Variants in KATNIP observed in about 807,000 individuals in gnomAD.
KATNIP encodes the protein katanin interacting protein.
Under a neutral mutation model 174.0 loss-of-function variants are expected in KATNIP, and 126 were observed. The ratio of observed to expected loss-of-function variants is 0.72; its 90% CI spans 0.63 to 0.84. KATNIP has a LOEUF of 0.84. Among genes scored for constraint, KATNIP ranks in the 40% least tolerant of loss-of-function variants. KATNIP has a pLI of 0.00. For missense variants in KATNIP, 1,958 were observed against 2,109.7 expected (o/e 0.93, Z 1.41); for synonymous variants, 810 against 835.7 (o/e 0.97, Z 0.53).
Position 27,637,616 on chromosome 16 carries a change from C to T in KATNIP, c.408+6454C>T, listed in dbSNP as rs2076675312. Among the ~76,000 whole-genome samples, 1 of 152,042 alleles carries T rather than the reference C, an allele frequency of 6.6e-6. No individual in the cohort carries two copies. The highest frequency in any genetic ancestry group is 2.4e-5 in the African/African-American group (1 of 41,412). ...AAGATCTGTGGCTGGGGGAGGCTTT[C>T]AGGTGAGGGGACAGTGAGAGCAGCG... On this transcript the variant is annotated intron_variant, in intron 5 of 27. Coordinates refer to ENST00000261588, the MANE Select transcript of KATNIP (RefSeq NM_015202.5). This position sits in a 1 kb window ranked among gnomAD's most constrained non-coding sequence, Gnocchi z 4.7.
rs780114918 is a variant in KATNIP at position 27,749,764 on chromosome 16, A to G, written c.2804A>G (p.His935Arg). ...CTCCTGCAGCAAAAGAGCAGCCGGC[A>G]CAGCGACTTGCCCCCCTCCAAGAAG... ...DELLQQKSSRHSDLPPSKKGE... is the reference protein window; with the variant it reads ...DELLQQKSSRRSDLPPSKKGE... The change falls in exon 16 of 28, where the codon CAC becomes CGC. Residue 935 changes from histidine (H) to arginine (R), a missense_variant. His to Arg is a conservative substitution (Grantham distance 29, BLOSUM62 0). Transcript: ENST00000261588. The G allele has an allele frequency of 6.2e-7, 1 of 1,610,766 alleles. No individual in the cohort carries two copies. Among genetic ancestry groups the G allele is most frequent in the South Asian group, 1.1e-5 (1 of 90,504 alleles).
chr16:27,699,576 G>T lies in KATNIP; in HGVS notation c.1156G>T (p.Glu386Ter). The T allele has an allele frequency of 6.2e-7, 1 of 1,614,180 alleles. No individual in the cohort carries two copies. Among genetic ancestry groups the T allele is most frequent in the Non-Finnish European group, 8.5e-7 (1 of 1,180,030 alleles). ...PPAKPWTSLL[E>*]EKEETLELLP... is the part of the protein sequence containing the mutation. ...AGCAAAACCATGGACCAGTCTGCTG[G>T]AGGAGAAGGAAGAGACCCTTGAGGT... is the stretch of plus-strand genomic sequence containing the variant. The change falls in exon 10 of 28, where the codon GAG becomes TAG. Residue 386 changes from glutamate (E) to a stop codon, truncating the protein, a stop_gained. Transcript: ENST00000261588. LOFTEE classifies it high-confidence loss of function.
chr16:27,762,889 C>T (rs1246469795), intron 19 of KATNIP, among the ~76,000 whole-genome samples: 5 of 152,226 alleles, frequency 3.3e-5, no homozygotes, highest in Admixed American at 3.3e-4. Flanking sequence ...CCTTCCCACC[C>T]ACTCACCACC....
intron 13 of KATNIP, among the ~76,000 whole-genome samples, chr16:27,716,562 A>T (rs2079946570): frequency 6.6e-6 from 1 of 152,176 alleles, no homozygotes; most frequent in African/African-American, 2.4e-5. Context: ...ACATAATCAA[A>T]ACCAGGACCT....
chr16:27,615,332 TTTA>T (rs1039359833), intron 2 of KATNIP, among the ~76,000 whole-genome samples: 1 of 150,192 alleles, frequency 6.7e-6, no homozygotes, highest in African/African-American at 2.4e-5. Context: ...GGGAATCTTT[TTTA>T]TTATTATTAT....
chr16:27,772,976 GAAAAATGTTTTTCTCTC>G (rs576475423), intron 22 of KATNIP, 106 bp from the exon 23 acceptor site: 14 of 622,108 alleles, frequency 2.3e-5, no homozygotes, highest in Non-Finnish European at 4.0e-5. Context: ...TGCAATAAGA[GAAAAATGTTTTTCTCTC>G]ATTCATCAAC....
chr16:27,679,168 G>T (rs571456190), intron 7 of KATNIP: 6 of 152,328 alleles, frequency 3.9e-5, no homozygotes, highest in African/African-American at 1.4e-4. Flanking sequence ...AGACTGGGTG[G>T]CTTAAACAGC....
At position 27,572,600 on chromosome 16, in the gene KATNIP, T is replaced by C. The variant is rs114707576; in HGVS notation, c.8-1301T>C. Among the ~76,000 whole-genome samples, 1,103 of 152,208 alleles carry C rather than the reference T, an allele frequency of 7.2e-3. 16 individuals carry two copies. Among genetic ancestry groups the C allele is most frequent in the African/African-American group, 0.025 (1,056 of 41,540 alleles). On this transcript the variant is annotated intron_variant, in intron 1 of 27. Coordinates refer to ENST00000261588, the MANE Select transcript of KATNIP (RefSeq NM_015202.5). ...CAAATTCCTGGGACTGGGATTCTGA[T>C]TGGCTGCAGTTGGGTCAGAGGTCCA...
intron 8 of KATNIP, among the ~76,000 whole-genome samples, chr16:27,696,622 G>A (rs567789442): frequency 6.6e-6 from 1 of 152,260 alleles, no homozygotes; most frequent in South Asian, 2.1e-4. Context: ...GTTTGCTCAG[G>A]ATAATGGCCT....
chr16:27,766,049 A>G (rs1178242726), intron 19 of KATNIP, among the ~76,000 whole-genome samples: 1 of 151,934 alleles, frequency 6.6e-6, no homozygotes, highest in Non-Finnish European at 1.5e-5. Context: ...AAAAAAAAAC[A>G]AAAACCCTGA....
At position 27,641,224 on chromosome 16, in the gene KATNIP, A is replaced by T. The variant is rs1597030205; in HGVS notation, c.409-7380A>T. On this transcript the variant is annotated intron_variant, in intron 5 of 27. Transcript: ENST00000261588. ...ATGCTTTCAGTTCAAATCCAAGGCT[A>T]GCAGAATTGTTCATCCCGATTCTTG... 2.0e-5 allele frequency among the ~76,000 whole-genome samples: 3 copies of T among 151,964 alleles called. No homozygotes were observed. In the East Asian group the frequency reaches 5.8e-4, roughly 29 times the overall value.
At position 27,777,886 on chromosome 16, in the gene KATNIP, A is replaced by C; in HGVS notation, c.4718A>C (p.Gln1573Pro). 1 of 1,614,048 alleles carries C rather than the reference A, an allele frequency of 6.2e-7. No homozygotes were observed. The highest frequency in any genetic ancestry group is 8.5e-7 in the Non-Finnish European group (1 of 1,179,864). ...HQEKHTTISN[Q>P]AEDQDVQMMN... The stretch of plus-strand genomic sequence containing the variant: ...TGTTTCCTTCCTACCCTCAGTAATC[A>C]GGCCGAGGATCAAGATGTCCAGATG... Residue 1573 changes from glutamine to proline, a missense_variant, in exon 27 of 28, where the codon CAG becomes CCG. Transcript: ENST00000261588. This position sits in a 1 kb window ranked among gnomAD's most constrained non-coding sequence, Gnocchi z 4.4.
intron 5 of KATNIP, among the ~76,000 whole-genome samples, chr16:27,648,085 A>G (rs1319539281): frequency 3.3e-5 from 5 of 152,170 alleles, no homozygotes; most frequent in Non-Finnish European, 7.4e-5. Context: ...ACTTGAGGCC[A>G]GGAGTTGAAG....
Position 27,577,887 on chromosome 16 carries a change from T to G in KATNIP, c.63+3931T>G, listed in dbSNP as rs191246601. 1.7e-4 allele frequency among the ~76,000 whole-genome samples: 26 copies of G among 152,090 alleles called. 1 individual carries two copies. In the East Asian group the frequency reaches 4.1e-3, roughly 24 times the overall value. ...AACCCTGTCTCAAAAAAAAATTTTT[T>G]TTAATAAATAAAATAAAAGTTCCCA... On this transcript the variant is annotated intron_variant, in intron 2 of 27. Coordinates refer to ENST00000261588, the MANE Select transcript of KATNIP (RefSeq NM_015202.5).
intron 2 of KATNIP, among the ~76,000 whole-genome samples, chr16:27,595,591 T>C (rs2075311751): frequency 6.6e-6 from 1 of 152,212 alleles, no homozygotes; most frequent in Non-Finnish European, 1.5e-5. Flanking sequence ...ATTTGGCAAA[T>C]GTTTATCAAG....
intron 2 of KATNIP, among the ~76,000 whole-genome samples, chr16:27,605,412 C>T (rs1054636014): frequency 6.6e-6 from 1 of 152,162 alleles, no homozygotes. Flanking sequence ...TATAAAAATA[C>T]ACCGTAACTG....
intron 10 of KATNIP, among the ~76,000 whole-genome samples, chr16:27,699,967 A>G (rs992730974): frequency 6.6e-6 from 1 of 151,752 alleles, no homozygotes; most frequent in Non-Finnish European, 1.5e-5. Context: ...CAGGAGTGCA[A>G]TGGTGCAATC....
intron 3 of KATNIP, among the ~76,000 whole-genome samples, chr16:27,627,808 T>C (rs2076378407): frequency 6.6e-6 from 1 of 152,230 alleles, no homozygotes; most frequent in Admixed American, 6.5e-5. Flanking sequence ...ATAAATGTTG[T>C]TGATGTAGGA....
chr16:27,758,299 CT>C (rs1390509021), intron 18 of KATNIP, among the ~76,000 whole-genome samples: 2 of 152,138 alleles, frequency 1.3e-5, no homozygotes, highest in African/African-American at 2.4e-5. Flanking sequence ...TAGGTCAAAA[CT>C]TTTTTTCCCC....
Sources: gnomAD v4.1 joint callset for allele counts (sites outside exome capture counted in the v4.1 genomes callset) on GRCh38, gnomAD v4.1.1 for gene constraint, Gnocchi (gnomAD v3.1) non-coding constraint, MANE v1.5 for transcripts, NCBI Gene and HGNC (gene_info 2026-07-23, HGNC 2026-07-21) for gene names.